CLPTM1: variants seen among roughly 807,000 people sequenced by gnomAD.
The protein encoded by CLPTM1 is CLPTM1 regulator of GABA type A receptor forward trafficking, also known as putative lipid scramblase CLPTM1.
CLPTM1 carries 21 observed loss-of-function variants against 77.3 expected under a neutral mutation model. The ratio of observed to expected loss-of-function variants is 0.27; its 90% CI spans 0.19 to 0.39. The LOEUF is 0.39. Ranked by LOEUF, CLPTM1 falls within the 10% of genes least tolerant of loss-of-function variation. The probability of loss-of-function intolerance (pLI) is 1.00; values close to 1 mark genes in which losing one functional copy is unlikely to be tolerated. For synonymous variants in CLPTM1, 373 were observed against 381.0 expected (o/e 0.98, Z 0.24); for missense variants, 642 against 921.2 (o/e 0.70, Z 3.92).
intron 5 of CLPTM1, among the ~76,000 whole-genome samples, chr19:44,979,939 C>T (rs1177101623): frequency 1.3e-5 from 2 of 152,190 alleles, no homozygotes; most frequent in Non-Finnish European, 2.9e-5. Context: ...CCCCGTTTGA[C>T]GATCACCTAA....
intron 5 of CLPTM1, among the ~76,000 whole-genome samples, chr19:44,979,285 G>C (rs573778101): frequency 6.6e-6 from 1 of 152,162 alleles, no homozygotes; most frequent in Admixed American, 6.6e-5. Flanking sequence ...AGCCTTGCTT[G>C]GTTCTCTGTG....
intron 2 of CLPTM1, among the ~76,000 whole-genome samples, chr19:44,962,309 A>G (rs1970557124): frequency 6.6e-6 from 1 of 151,836 alleles, no homozygotes; most frequent in Admixed American, 6.6e-5. Context: ...GGGCTACCTG[A>G]TTTGTGAAAA....
At chr19:44,974,418 G>A in intron 3 of CLPTM1, 21 bp from the exon 4 acceptor site, 1 of 1,605,450 alleles carries the variant, frequency 6.2e-7, no homozygotes. Context: ...CCTGAGCTCT[G>A]TTCCCTTCCT....
chr19:44,978,148 T>G (rs1395243691), intron 5 of CLPTM1, among the ~76,000 whole-genome samples: 3 of 151,506 alleles, frequency 2.0e-5, no homozygotes, highest in Non-Finnish European at 4.4e-5. Context: ...GGCTCACGCC[T>G]GTAATCCCAG....
At position 44,990,636 on chromosome 19, in the gene CLPTM1, G is replaced by T. The variant is rs1568390447; in HGVS notation, c.1323+51G>T. ...CGGGAGCTGCAGGGGTTGGGAGGGGGTAGTGTGGCCCAGCTGGACCCTGGA... is the reference window on the plus strand; with the variant it reads ...CGGGAGCTGCAGGGGTTGGGAGGGGTTAGTGTGGCCCAGCTGGACCCTGGA... On this transcript the variant is annotated intron_variant, in intron 10 of 13. Coordinates refer to ENST00000337392, the MANE Select transcript of CLPTM1 (RefSeq NM_001294.4). The surrounding 1 kb of genome is among the most constrained non-coding windows in gnomAD (Gnocchi z 4.8). 6.3e-7 allele frequency: 1 copy of T among 1,588,270 alleles called. No homozygotes were observed. The highest frequency in any genetic ancestry group is 1.1e-5 in the South Asian group (1 of 89,766).
At position 44,990,100 on chromosome 19, in the gene CLPTM1, G is replaced by A. The variant is rs1391624235; in HGVS notation, c.1133-295G>A. On this transcript the variant is annotated intron_variant, in intron 9 of 13. Transcript: ENST00000337392. The surrounding 1 kb of genome is among the most constrained non-coding windows in gnomAD (Gnocchi z 4.8). The stretch of plus-strand genomic sequence containing the variant: ...CAGTCCTTAGCACCTGGCACGTGGT[G>A]AGCCCTGTCCATGGCACCAGTCACC... 4 of 420,268 alleles carry A rather than the reference G, an allele frequency of 9.5e-6. No individual in the cohort carries two copies. The East Asian group carries it at 1.1e-4, about 12-fold the overall frequency. 26.0% of individuals were successfully genotyped at this position (420,268 alleles called of 1,614,324 possible). A position where few individuals can be genotyped will look rare whatever the true frequency, so the allele number is the denominator to read the frequency against.
At chr19:44,971,867 C>CTTTTTTTTTTTT (rs10693027) in intron 2 of CLPTM1, among the ~76,000 whole-genome samples, 1 of 83,288 alleles carries the variant, frequency 1.2e-5, no homozygotes, top group Non-Finnish European at 2.1e-5. Flanking sequence ...CCCAATTATA[C>CTTTTTTTTTTTT]TTTTTTTTTT....
intron 1 of CLPTM1, among the ~76,000 whole-genome samples, chr19:44,961,505 A>G (rs181655038): frequency 5.9e-5 from 9 of 152,206 alleles, no homozygotes; most frequent in Admixed American, 3.9e-4. Flanking sequence ...CTGTGCCTCT[A>G]ATCTTCTGTT....
chr19:44,975,979 C>T (rs1970800303), intron 4 of CLPTM1, among the ~76,000 whole-genome samples: 1 of 152,184 alleles, frequency 6.6e-6, no homozygotes, highest in Non-Finnish European at 1.5e-5. Flanking sequence ...CTTTTCACCT[C>T]AGCCTCCCAA....
At chr19:44,971,358 T>G (rs1183490227) in intron 2 of CLPTM1, among the ~76,000 whole-genome samples, 1 of 152,116 alleles carries the variant, frequency 6.6e-6, no homozygotes, top group Non-Finnish European at 1.5e-5. Flanking sequence ...ATTTTCTTAG[T>G]GTATTAATTT....
chr19:44,967,219 C>T (rs145554033), intron 2 of CLPTM1, among the ~76,000 whole-genome samples: 251 of 152,058 alleles, frequency 1.7e-3, no homozygotes, highest in African/African-American at 5.9e-3. Flanking sequence ...TTAGGGAGGC[C>T]GAAGAGGGAG....
intron 2 of CLPTM1, among the ~76,000 whole-genome samples, chr19:44,967,531 C>T (rs1970652928): frequency 6.6e-6 from 1 of 152,072 alleles, no homozygotes; most frequent in Non-Finnish European, 1.5e-5. Context: ...GCGGCTTATG[C>T]CTGTAATCCC....
intron 2 of CLPTM1, among the ~76,000 whole-genome samples, chr19:44,970,151 G>T (rs1236980332): frequency 6.8e-6 from 1 of 147,654 alleles, no homozygotes; most frequent in Non-Finnish European, 1.5e-5. Flanking sequence ...CTTTGCTTCT[G>T]CCTGGGGGCA....
At chr19:44,985,187 C>T (rs1459230374) in intron 5 of CLPTM1, 31 bp from the exon 6 acceptor site, 4 of 1,576,958 alleles carry the variant, frequency 2.5e-6, no homozygotes, top group East Asian at 2.2e-5. Flanking sequence ...GCAGGTCTCA[C>T]GTCCCCTCCT....
chr19:44,982,756 G>A (rs1970918566), intron 5 of CLPTM1, among the ~76,000 whole-genome samples: 1 of 152,196 alleles, frequency 6.6e-6, no homozygotes, highest in Admixed American at 6.6e-5. Flanking sequence ...GATCCCCAAT[G>A]ATTTAATAAT....
At chr19:44,988,973 G>A (rs560462461) in intron 9 of CLPTM1, among the ~76,000 whole-genome samples, 18 of 152,336 alleles carry the variant, frequency 1.2e-4, no homozygotes, top group African/African-American at 4.1e-4. Flanking sequence ...CTAAGCCCCG[G>A]AGTTTGAGAC....
intron 4 of CLPTM1, among the ~76,000 whole-genome samples, chr19:44,977,017 T>A (rs1970815159): frequency 6.6e-6 from 1 of 152,162 alleles, no homozygotes; most frequent in Non-Finnish European, 1.5e-5. Context: ...GCTCGTTGAC[T>A]GAGCTGTGTG....
chr19:44,977,304 G>C, intron 4 of CLPTM1, 39 bp from the exon 5 acceptor site: 1 of 1,501,584 alleles, frequency 6.7e-7, no homozygotes. Flanking sequence ...CCTCACCCCA[G>C]TTGCCCAGCC....
rs1355006350 is a variant in CLPTM1 at position 44,987,430 on chromosome 19, G to A, written c.1038+7G>A. On this transcript the variant is annotated splice_region_variant and intron_variant, in intron 8 of 13. Coordinates refer to ENST00000337392, the MANE Select transcript of CLPTM1 (RefSeq NM_001294.4). ...GGAGCAGGACTCGGTGAAGGTGAGT[G>A]CGGCCGGTGTGGGCGGGACTTCCCG... The A allele has an allele frequency of 6.2e-7, 1 of 1,612,634 alleles. No individual in the cohort carries two copies. Among genetic ancestry groups the A allele is most frequent in the Non-Finnish European group, 8.5e-7 (1 of 1,179,534 alleles).
Sources: allele counts gnomAD v4.1 joint callset (sites outside exome capture counted in the v4.1 genomes callset), GRCh38; gene constraint gnomAD v4.1.1; non-coding constraint Gnocchi (gnomAD v3.1); transcripts MANE v1.5; gene names NCBI Gene and HGNC (gene_info 2026-07-23, HGNC 2026-07-21).